Variants in FBXL14 observed in about 807,000 individuals in gnomAD.
FBXL14 encodes F-box/LRR-repeat protein 14.
Under a neutral mutation model 24.5 loss-of-function variants are expected in FBXL14, and 11 were observed. That is an observed-to-expected ratio of 0.45 (90% confidence interval 0.28 to 0.74). The LOEUF is 0.74. FBXL14 is among the 30% of genes least tolerant of loss of function. FBXL14 has a pLI of 0.12. For synonymous variants in FBXL14, 294 were observed against 240.4 expected, an observed-to-expected ratio of 1.22 and a Z score of -2.06; for missense variants, 384 against 545.6, an observed-to-expected ratio of 0.70 and a Z score of 2.95.
chr12:1,571,843 C>A (rs1397349539), intron 1 of FBXL14, among the ~76,000 whole-genome samples: 1 of 152,194 alleles, frequency 6.6e-6, no homozygotes, highest in Non-Finnish European at 1.5e-5. Context: ...CCAGATCTTC[C>A]CATCTCCTTG....
intron 1 of FBXL14, among the ~76,000 whole-genome samples, chr12:1,588,866 T>C (rs1348167679): frequency 6.6e-6 from 1 of 152,066 alleles, no homozygotes; most frequent in Admixed American, 6.5e-5. Flanking sequence ...CCTTTAGCTC[T>C]TCTATTCTTC....
rs540286588 is a variant in FBXL14 at position 1,566,946 on chromosome 12, C to A, written c.1195-136G>T. 22 of 619,492 alleles carry A rather than the reference C, an allele frequency of 3.6e-5. No individual in the cohort carries two copies. In the South Asian group the frequency reaches 3.6e-4, roughly 10 times the overall value. 38.4% of individuals were successfully genotyped at this position (619,492 alleles called of 1,614,324 possible). Reference sequence around the variant, plus strand: ...ACCTGGGGGAAGGGAAACTCCCACGCCAGCCCACTCTAGCCATCTCCCGGC... The same window carrying A: ...ACCTGGGGGAAGGGAAACTCCCACGACAGCCCACTCTAGCCATCTCCCGGC... On this transcript the variant is annotated intron_variant, in intron 1 of 1. Coordinates refer to ENST00000339235, the MANE Select transcript of FBXL14 (RefSeq NM_152441.3).
intron 1 of FBXL14, chr12:1,587,631 T>G: frequency 6.6e-6 from 1 of 152,250 alleles, no homozygotes; most frequent in East Asian, 1.9e-4. Context: ...ATATATGCTC[T>G]TGTTCCAACT....
chr12:1,583,264 T>G (rs1158434645), intron 1 of FBXL14, among the ~76,000 whole-genome samples: 1 of 152,144 alleles, frequency 6.6e-6, no homozygotes. Flanking sequence ...CTGTTTAAAT[T>G]GATACCTCCA....
intron 1 of FBXL14, among the ~76,000 whole-genome samples, chr12:1,591,727 T>C (rs572414886): frequency 6.6e-6 from 1 of 152,254 alleles, no homozygotes; most frequent in African/African-American, 2.4e-5. Context: ...AGATAAGATA[T>C]GAGCTTCATC....
At chr12:1,590,032 A>G (rs1460139620) in intron 1 of FBXL14, among the ~76,000 whole-genome samples, 1 of 152,244 alleles carries the variant, frequency 6.6e-6, no homozygotes, top group East Asian at 1.9e-4. Flanking sequence ...GTCTCTTGGA[A>G]GAAAAACAGA....
rs1467296994 is a variant in FBXL14 at position 1,569,219 on chromosome 12, G to A, written c.1195-2409C>T. Among the ~76,000 whole-genome samples, 1 of 152,068 alleles carries A rather than the reference G, an allele frequency of 6.6e-6. No homozygotes were observed. Among genetic ancestry groups the A allele is most frequent in the Middle Eastern group, 3.4e-3 (1 of 294 alleles). ...ATTTTCCTTTCCAGGTTGAGGAAAG[G>A]TAGTGGTTGTTTGTGAAGTGGTCAT... On this transcript the variant is annotated intron_variant, in intron 1 of 1. Transcript: ENST00000339235. The surrounding 1 kb of genome is among the most constrained non-coding windows in gnomAD (Gnocchi z 4.2).
intron 1 of FBXL14, among the ~76,000 whole-genome samples, 179 bp from the exon 2 acceptor site, chr12:1,566,989 G>A (rs763706649): frequency 1.3e-5 from 2 of 152,118 alleles, no homozygotes; most frequent in African/African-American, 4.8e-5. Context: ...AGGTGGGGGC[G>A]GGAGGGAGGA....
rs1054181979 is a variant in FBXL14 at position 1,579,628 on chromosome 12, G to A, written c.1195-12818C>T. On this transcript the variant is annotated intron_variant, in intron 1 of 1. Coordinates refer to ENST00000339235, the MANE Select transcript of FBXL14 (RefSeq NM_152441.3). This position sits in a 1 kb window ranked among gnomAD's most constrained non-coding sequence, Gnocchi z 4.3. ...ACTCCATTTAAAAAAAAAAAAAAAT[G>A]TAGTTATCAATTTTTTGTTTTTGAC... is the stretch of plus-strand genomic sequence containing the variant. Among the ~76,000 whole-genome samples, 3 of 151,232 alleles carry A rather than the reference G, an allele frequency of 2.0e-5. No homozygotes were observed. Among genetic ancestry groups the A allele is most frequent in the Non-Finnish European group, 2.9e-5 (2 of 67,866 alleles).
rs2094441574 is a variant in FBXL14 at position 1,569,437 on chromosome 12, GT to G, written c.1195-2628del. On this transcript the variant is annotated intron_variant, in intron 1 of 1. Transcript: ENST00000339235. This position sits in a 1 kb window ranked among gnomAD's most constrained non-coding sequence, Gnocchi z 4.2. ...TTTGTCTGAGACGGAGTCTCGCTCT[GT>G]CACCCAGGCTAGAGTGCAGTGCCGC... Among the ~76,000 whole-genome samples, 1 of 141,128 alleles carries G rather than the reference GT, an allele frequency of 7.1e-6. No homozygotes were observed. The highest frequency in any genetic ancestry group is 1.5e-5 in the Non-Finnish European group (1 of 66,500). 92.6% of individuals were successfully genotyped at this position (141,128 alleles called of 152,430 possible). A position where few individuals can be genotyped will look rare whatever the true frequency, so the allele number is the denominator to read the frequency against.
At chr12:1,588,837 G>A (rs2094482232) in intron 1 of FBXL14, among the ~76,000 whole-genome samples, 1 of 151,994 alleles carries the variant, frequency 6.6e-6, no homozygotes, top group Admixed American at 6.6e-5. Flanking sequence ...ACCACGCAAA[G>A]TGTACTATCA....
chr12:1,574,864 G>A (rs1265221737), intron 1 of FBXL14: 1 of 151,520 alleles, frequency 6.6e-6, no homozygotes, highest in African/African-American at 2.4e-5. Flanking sequence ...GTGGCTATTG[G>A]AAAGGATTTG....
chr12:1,594,838 C>T (rs905049454), upstream of FBXL14, among the ~76,000 whole-genome samples: 21 of 151,902 alleles, frequency 1.4e-4, no homozygotes, highest in African/African-American at 5.1e-4. Flanking sequence ...GTCCCCTCCG[C>T]CGCTCCCGCT....
Position 1,567,891 on chromosome 12 carries a change from GCA to G in FBXL14, c.1195-1083_1195-1082del, listed in dbSNP as rs1267158979. ...AAAACCCACCCACACGCACACGCGC[GCA>G]CACACGTGCGCACACACACAGAACA... is the stretch of plus-strand genomic sequence containing the variant. On this transcript the variant is annotated intron_variant, in intron 1 of 1. Coordinates refer to ENST00000339235, the MANE Select transcript of FBXL14 (RefSeq NM_152441.3). The surrounding 1 kb of genome is among the most constrained non-coding windows in gnomAD (Gnocchi z 4.8). Among the ~76,000 whole-genome samples, 6 of 152,116 alleles carry G rather than the reference GCA, an allele frequency of 3.9e-5. No individual in the cohort carries two copies. The highest frequency in any genetic ancestry group is 7.4e-5 in the Non-Finnish European group (5 of 67,968).
chr12:1,582,760 C>A (rs1264931718), intron 1 of FBXL14, among the ~76,000 whole-genome samples: 1 of 152,150 alleles, frequency 6.6e-6, no homozygotes, highest in East Asian at 1.9e-4. Context: ...TTGGTAGAAG[C>A]ATCTGCAGGG....
intron 1 of FBXL14, among the ~76,000 whole-genome samples, chr12:1,573,343 A>C (rs1174456322): frequency 6.6e-6 from 1 of 152,200 alleles, no homozygotes; most frequent in Non-Finnish European, 1.5e-5. Flanking sequence ...TCTTCTCCAC[A>C]ATACTGTAAG....
chr12:1,579,445 C>T lies in FBXL14; in HGVS notation c.1195-12635G>A, dbSNP rs1424031607. ...AGCTATGGTCAACATGGTGAAACCC[C>T]GTCTCTACTAAAACACAAAAATTAG... On this transcript the variant is annotated intron_variant, in intron 1 of 1. Coordinates refer to ENST00000339235, the MANE Select transcript of FBXL14 (RefSeq NM_152441.3). The surrounding 1 kb of genome is among the most constrained non-coding windows in gnomAD (Gnocchi z 4.3). Among the ~76,000 whole-genome samples the T allele has an allele frequency of 6.6e-6, 1 of 151,930 alleles. No homozygotes were observed. Among genetic ancestry groups the T allele is most frequent in the Non-Finnish European group, 1.5e-5 (1 of 68,002 alleles).
chr12:1,573,966 T>C lies in FBXL14; in HGVS notation c.1195-7156A>G, dbSNP rs899737796. ...GTTTTGGTGAGCTGAGATCGCACCA[T>C]TGCACTCCAGCCTGGGCAACAAGAG... On this transcript the variant is annotated intron_variant, in intron 1 of 1. Transcript: ENST00000339235. 2.5e-4 allele frequency among the ~76,000 whole-genome samples: 38 copies of C among 150,640 alleles called. 1 individual carries two copies. Among genetic ancestry groups the C allele is most frequent in the South Asian group, 1.3e-3 (6 of 4,738 alleles).
chr12:1,578,627 A>G (rs1292361882), intron 1 of FBXL14, among the ~76,000 whole-genome samples: 1 of 152,118 alleles, frequency 6.6e-6, no homozygotes, highest in Admixed American at 6.6e-5. Context: ...TGACAGAGCA[A>G]GACGCCGTCT....
Sources: gnomAD v4.1 joint callset for allele counts (sites outside exome capture counted in the v4.1 genomes callset) on GRCh38, gnomAD v4.1.1 for gene constraint, Gnocchi (gnomAD v3.1) non-coding constraint, MANE v1.5 for transcripts, NCBI Gene and HGNC (gene_info 2026-07-23, HGNC 2026-07-21) for gene names.